MAN1C1: variants seen among roughly 807,000 people sequenced by gnomAD.
MAN1C1 encodes the protein mannosyl-oligosaccharide 1,2-alpha-mannosidase IC.
MAN1C1 carries 49 observed loss-of-function variants against 71.5 expected under a neutral mutation model. The ratio of observed to expected loss-of-function variants is 0.69; its 90% confidence interval spans 0.54 to 0.87. The LOEUF (loss-of-function observed/expected upper bound fraction) is 0.87. Among genes scored for constraint, MAN1C1 ranks in the 40% least tolerant of loss-of-function variants. The pLI is 0.00. For synonymous variants in MAN1C1, 352 were observed against 343.7 expected (o/e 1.02, Z -0.27); for missense variants, 743 against 835.0 (o/e 0.89, Z 1.36).
chr1:25,765,191 C>G (rs548082400), intron 7 of MAN1C1, among the ~76,000 whole-genome samples: 1 of 152,316 alleles, frequency 6.6e-6, no homozygotes, highest in Non-Finnish European at 1.5e-5. Context: ...CATTCACAAG[C>G]CCCCAGCCCT....
chr1:25,627,360 C>T (rs2045313271), intron 1 of MAN1C1, among the ~76,000 whole-genome samples: 1 of 152,090 alleles, frequency 6.6e-6, no homozygotes, highest in Non-Finnish European at 1.5e-5. Flanking sequence ...CAGCTCACTC[C>T]ACCTCCCAGA....
At position 25,730,990 on chromosome 1, in the gene MAN1C1, C is replaced by T. The variant is rs777460237; in HGVS notation, c.638-15678C>T. 6.6e-6 allele frequency among the ~76,000 whole-genome samples: 1 copy of T among 152,212 alleles called. No homozygotes were observed. The highest frequency in any genetic ancestry group is 2.4e-5 in the African/African-American group (1 of 41,454). ...CAAGGCACATGGTTTGACCACAAGC[C>T]TGTGCTTCCCCCACAATCGCTGCTG... is the stretch of plus-strand genomic sequence containing the variant. On this transcript the variant is annotated intron_variant, in intron 2 of 11. Coordinates refer to ENST00000374332, the MANE Select transcript of MAN1C1 (RefSeq NM_020379.4). This position sits in a 1 kb window ranked among gnomAD's most constrained non-coding sequence, Gnocchi z 4.3.
rs1039303151 is a variant in MAN1C1 at position 25,778,048 on chromosome 1, C to T, written c.1258-57C>T. ...ATGTTCATTTTCCATCCTTTCCCCC[C>T]CTTCTCTGTGCCCTCCCACGCCCCT... is the stretch of plus-strand genomic sequence containing the variant. On this transcript the variant is annotated intron_variant, in intron 8 of 11. Coordinates refer to ENST00000374332, the MANE Select transcript of MAN1C1 (RefSeq NM_020379.4). This position sits in a 1 kb window ranked among gnomAD's most constrained non-coding sequence, Gnocchi z 5.5. The T allele has an allele frequency of 7.6e-6, 10 of 1,308,530 alleles. No homozygotes were observed. The African/African-American group carries it at 8.9e-5, about 12-fold the overall frequency. The allele number at this position is 1,308,530 out of a possible 1,614,324, so 81.1% of individuals were successfully genotyped here.
intron 10 of MAN1C1, among the ~76,000 whole-genome samples, chr1:25,781,787 T>G (rs1475875198): frequency 2.6e-5 from 4 of 152,028 alleles, no homozygotes; most frequent in Non-Finnish European, 5.9e-5. Flanking sequence ...TCCACCTGCT[T>G]CCCCAGGACC....
Position 25,782,504 on chromosome 1 carries a change from C to A in MAN1C1, c.1651-81C>A. 2.2e-6 allele frequency: 2 copies of A among 901,196 alleles called. No individual in the cohort carries two copies. Among genetic ancestry groups the A allele is most frequent in the South Asian group, 1.4e-5 (1 of 70,104 alleles). 55.8% of individuals were successfully genotyped at this position (901,196 alleles called of 1,614,324 possible). A position where few individuals can be genotyped will look rare whatever the true frequency, so the allele number is the denominator to read the frequency against. ...CTGTCTGCTTTCTTCTAGCTCCAGC[C>A]TGCCAGGCATGCACAAGTCTTGAGG... On this transcript the variant is annotated intron_variant, in intron 10 of 11. Coordinates refer to ENST00000374332, the MANE Select transcript of MAN1C1 (RefSeq NM_020379.4). This position sits in a 1 kb window ranked among gnomAD's most constrained non-coding sequence, Gnocchi z 4.4.
intron 1 of MAN1C1, among the ~76,000 whole-genome samples, chr1:25,657,929 A>T (rs2045791249): frequency 6.6e-6 from 1 of 152,020 alleles, no homozygotes; most frequent in Non-Finnish European, 1.5e-5. Context: ...AAGTGGATGG[A>T]CACACACACA....
intron 11 of MAN1C1, 37 bp from the exon 12 acceptor site, chr1:25,783,626 G>A (rs1389655685): frequency 6.2e-7 from 1 of 1,604,722 alleles, no homozygotes; most frequent in Admixed American, 1.7e-5. Flanking sequence ...GCCACTGACA[G>A]ACTGTGTCTT....
chr1:25,696,101 T>C (rs1214544982), intron 2 of MAN1C1, among the ~76,000 whole-genome samples: 1 of 152,200 alleles, frequency 6.6e-6, no homozygotes, highest in Non-Finnish European at 1.5e-5. Context: ...GAAATTGACA[T>C]TCTCTCCTGG....
chr1:25,765,620 A>G (rs2047417180), intron 7 of MAN1C1, among the ~76,000 whole-genome samples: 1 of 152,244 alleles, frequency 6.6e-6, no homozygotes, highest in East Asian at 1.9e-4. Context: ...TTTGTGTGCC[A>G]TGGAGGGGCG....
intron 2 of MAN1C1, among the ~76,000 whole-genome samples, chr1:25,715,303 A>T (rs1013303526): frequency 6.6e-6 from 1 of 152,074 alleles, no homozygotes; most frequent in African/African-American, 2.4e-5. Flanking sequence ...AGGTCACATG[A>T]TCATTCCCAT....
chr1:25,757,818 G>A (rs568661169), intron 5 of MAN1C1, among the ~76,000 whole-genome samples: 17 of 152,370 alleles, frequency 1.1e-4, no homozygotes, highest in African/African-American at 1.7e-4. Context: ...AGTTAGCACA[G>A]GCTCTGGCAT....
chr1:25,758,281 C>T (rs564483416), intron 5 of MAN1C1, among the ~76,000 whole-genome samples: 1 of 152,328 alleles, frequency 6.6e-6, no homozygotes, highest in South Asian at 2.1e-4. Context: ...TCCACATCAT[C>T]TGTAAATTCA....
intron 2 of MAN1C1, among the ~76,000 whole-genome samples, chr1:25,696,686 G>C (rs142547478): frequency 1.5e-3 from 223 of 152,034 alleles, no homozygotes; most frequent in African/African-American, 4.9e-3. Context: ...TAGCTCTGTT[G>C]TCCAGACTGG....
intron 2 of MAN1C1, among the ~76,000 whole-genome samples, chr1:25,689,345 C>T (rs764198556): frequency 6.6e-6 from 1 of 152,270 alleles, no homozygotes; most frequent in South Asian, 2.1e-4. Flanking sequence ...GACTTTACTA[C>T]GTCCTGGTTG....
intron 1 of MAN1C1, among the ~76,000 whole-genome samples, chr1:25,675,581 TTGCGGGG>T (rs1433986225): frequency 9.3e-6 from 1 of 107,506 alleles, no homozygotes; most frequent in Non-Finnish European, 1.7e-5. Context: ...ATGACTTATT[TTGCGGGG>T]GGGGGGGGAG....
intron 1 of MAN1C1, among the ~76,000 whole-genome samples, chr1:25,670,945 T>G (rs374486730): frequency 2.6e-5 from 4 of 152,190 alleles, no homozygotes; most frequent in East Asian, 3.8e-4. Context: ...GGCGTGATCT[T>G]GGCTCGCTGC....
At chr1:25,637,189 A>G (rs1276237424) in intron 1 of MAN1C1, among the ~76,000 whole-genome samples, 1 of 152,132 alleles carries the variant, frequency 6.6e-6, no homozygotes, top group Non-Finnish European at 1.5e-5. Flanking sequence ...AATTTAGGTC[A>G]TACTTTATCA....
chr1:25,733,755 G>A (rs1169345411), intron 2 of MAN1C1, among the ~76,000 whole-genome samples: 2 of 152,040 alleles, frequency 1.3e-5, no homozygotes, highest in South Asian at 2.1e-4. Flanking sequence ...TCTGTAAGAG[G>A]GGGACAATGA....
Position 25,634,826 on chromosome 1 carries a change from A to T in MAN1C1, c.540+16489A>T, listed in dbSNP as rs758376831. On this transcript the variant is annotated intron_variant, in intron 1 of 11. Coordinates refer to ENST00000374332, the MANE Select transcript of MAN1C1 (RefSeq NM_020379.4). This position sits in a 1 kb window ranked among gnomAD's most constrained non-coding sequence, Gnocchi z 4.6. ...CAGAGCGAGACTCTGTCTCAAAAAA[A>T]AATAATAATAAAATAAAATAAAAGA... 1.1e-4 allele frequency among the ~76,000 whole-genome samples: 17 copies of T among 152,174 alleles called. No homozygotes were observed. The highest frequency in any genetic ancestry group is 2.1e-4 in the South Asian group (1 of 4,820).
Sources: allele counts gnomAD v4.1 joint callset (sites outside exome capture counted in the v4.1 genomes callset), GRCh38; gene constraint gnomAD v4.1.1; non-coding constraint Gnocchi (gnomAD v3.1); transcripts MANE v1.5; gene names NCBI Gene and HGNC (gene_info 2026-07-23, HGNC 2026-07-21).